The following CNTN4 variants were observed in gnomAD, a reference collection of about 807,000 sequenced individuals.
The protein encoded by CNTN4 is contactin 4.
In CNTN4, 77 loss-of-function variants were observed where a neutral mutation model predicts 122.5. That is an observed-to-expected ratio of 0.63 (90% CI 0.52 to 0.76). CNTN4 has a LOEUF of 0.76. Among genes scored for constraint, CNTN4 ranks in the 30% least tolerant of loss-of-function variants. The pLI, the probability that CNTN4 is intolerant of heterozygous loss-of-function variation, is 0.00. For synonymous variants in CNTN4, 512 were observed against 447.0 expected, an observed-to-expected ratio of 1.15 and a Z score of -1.83; for missense variants, 1,256 against 1,259.1, an observed-to-expected ratio of 1.00 and a Z score of 0.04.
intron 4 of CNTN4, among the ~76,000 whole-genome samples, chr3:2,723,012 T>A (rs1467439255): frequency 6.6e-6 from 1 of 152,210 alleles, no homozygotes. Context: ...TTCACTTGTT[T>A]CCTTCTAAAC....
intron 6 of CNTN4, among the ~76,000 whole-genome samples, chr3:2,757,999 T>G (rs2090415446): frequency 6.6e-6 from 1 of 152,190 alleles, no homozygotes; most frequent in South Asian, 2.1e-4. Context: ...TCAGATTTGT[T>G]CATTTGTTCA....
At chr3:2,469,800 G>C (rs2075622839) in intron 3 of CNTN4, among the ~76,000 whole-genome samples, 2 of 152,110 alleles carry the variant, frequency 1.3e-5, no homozygotes, top group African/African-American at 4.8e-5. Context: ...TCTGACATGT[G>C]TTATTAGAAT....
chr3:2,107,862 CA>C (rs1384378541), intron 2 of CNTN4, among the ~76,000 whole-genome samples: 68 of 152,274 alleles, frequency 4.5e-4, no homozygotes, highest in African/African-American at 1.6e-3. Flanking sequence ...CCTTGTAATA[CA>C]TCAGACTTCC....
chr3:2,130,484 C>G (rs978462110), intron 2 of CNTN4, among the ~76,000 whole-genome samples: 3 of 152,168 alleles, frequency 2.0e-5, no homozygotes, highest in African/African-American at 7.2e-5. Context: ...TAAACACCCT[C>G]TAAATTAAAA....
At chr3:2,677,908 T>C (rs1305619216) in intron 4 of CNTN4, among the ~76,000 whole-genome samples, 1 of 152,202 alleles carries the variant, frequency 6.6e-6, no homozygotes, top group Non-Finnish European at 1.5e-5. Context: ...TACGGAAATG[T>C]AAAGCATTTA....
At chr3:2,185,998 G>A (rs2037237335) in intron 2 of CNTN4, among the ~76,000 whole-genome samples, 1 of 151,876 alleles carries the variant, frequency 6.6e-6, no homozygotes, top group Non-Finnish European at 1.5e-5. Flanking sequence ...TATTACATAT[G>A]TATACATGAG....
chr3:2,472,445 G>T (rs1477623589), intron 3 of CNTN4, among the ~76,000 whole-genome samples: 1 of 152,084 alleles, frequency 6.6e-6, no homozygotes, highest in Non-Finnish European at 1.5e-5. Flanking sequence ...TGTCAAGTTG[G>T]CCAGGCTGGT....
rs5846169 is a variant in CNTN4 at position 2,198,028 on chromosome 3, G to GAA, written c.-145+97402_-145+97403dup. Among the ~76,000 whole-genome samples, 180 of 138,062 alleles carry GAA rather than the reference G, an allele frequency of 1.3e-3. 1 individual carries two copies. Among genetic ancestry groups the GAA allele is most frequent in the Admixed American group, 1.6e-3 (22 of 14,034 alleles). 90.6% of individuals were successfully genotyped at this position (138,062 alleles called of 152,430 possible). A position where few individuals can be genotyped will look rare whatever the true frequency, so the allele number is the denominator to read the frequency against. On this transcript the variant is annotated intron_variant, in intron 2 of 24. Transcript: ENST00000418658. ...ACAGAGGCAACAGACACTCTCTCTGGAAAAAAAAAAAAAAGGAGAGAATTT... is the reference window on the plus strand; with the variant it reads ...ACAGAGGCAACAGACACTCTCTCTGGAAAAAAAAAAAAAAAAGGAGAGAATTT...
At chr3:2,409,548 C>T (rs1043523506) in intron 3 of CNTN4, among the ~76,000 whole-genome samples, 2 of 151,962 alleles carry the variant, frequency 1.3e-5, no homozygotes, top group African/African-American at 2.4e-5. Flanking sequence ...TGCTCGGCCT[C>T]TAGATATCTT....
intron 4 of CNTN4, among the ~76,000 whole-genome samples, chr3:2,652,057 A>C (rs1190334899): frequency 6.6e-6 from 1 of 151,654 alleles, no homozygotes; most frequent in African/African-American, 2.4e-5. Flanking sequence ...ATGGCGGTTC[A>C]TGCATCCAGT....
At chr3:2,665,968 C>A (rs185176825) in intron 4 of CNTN4, among the ~76,000 whole-genome samples, 5 of 152,064 alleles carry the variant, frequency 3.3e-5, no homozygotes, top group Admixed American at 3.3e-4. Context: ...AGGATATTAT[C>A]GATTTAGATA....
intron 3 of CNTN4, among the ~76,000 whole-genome samples, chr3:2,365,957 G>A (rs774894786): frequency 1.8e-4 from 27 of 152,324 alleles, no homozygotes; most frequent in Non-Finnish European, 4.4e-5. Flanking sequence ...TATATTAACA[G>A]TGGAGCAATT....
chr3:2,689,493 T>C (rs2085612394), intron 4 of CNTN4, among the ~76,000 whole-genome samples: 1 of 152,108 alleles, frequency 6.6e-6, no homozygotes, highest in East Asian at 1.9e-4. Context: ...TGCCATTCTT[T>C]TTTGTGACTT....
At chr3:2,657,319 G>T (rs1309228342) in intron 4 of CNTN4, among the ~76,000 whole-genome samples, 1 of 152,168 alleles carries the variant, frequency 6.6e-6, no homozygotes, top group Non-Finnish European at 1.5e-5. Flanking sequence ...AGAGAAATCT[G>T]TAACATGAGG....
At chr3:2,430,266 C>A (rs2048014140) in intron 3 of CNTN4, among the ~76,000 whole-genome samples, 1 of 151,636 alleles carries the variant, frequency 6.6e-6, no homozygotes, top group Admixed American at 6.6e-5. Flanking sequence ...CCTAAAAATA[C>A]AAAAAATTAG....
intron 4 of CNTN4, among the ~76,000 whole-genome samples, chr3:2,705,860 T>TA (rs2086686691): frequency 1.1e-5 from 1 of 90,216 alleles, no homozygotes; most frequent in African/African-American, 4.9e-5. Context: ...AATATATGTG[T>TA]TTATATATAA....
intron 2 of CNTN4, among the ~76,000 whole-genome samples, chr3:2,186,763 C>A (rs1277849616): frequency 3.3e-5 from 5 of 152,134 alleles, no homozygotes; most frequent in Non-Finnish European, 1.5e-5. Flanking sequence ...CCTTTGCCCA[C>A]TTTTTGATGG....
intron 3 of CNTN4, among the ~76,000 whole-genome samples, chr3:2,516,499 T>G (rs191838837): frequency 0.012 from 1,863 of 152,240 alleles, 13 homozygotes; most frequent in Non-Finnish European, 0.017. Context: ...AGATGTTCAA[T>G]TCAATATTAC....
At chr3:2,370,612 A>G (rs772139064) in intron 3 of CNTN4, among the ~76,000 whole-genome samples, 14 of 152,194 alleles carry the variant, frequency 9.2e-5, no homozygotes, top group Non-Finnish European at 1.8e-4. Context: ...CACCAGAAAA[A>G]GTGGTTTGTA....
Sources: gnomAD v4.1 joint callset for allele counts (sites outside exome capture counted in the v4.1 genomes callset) on GRCh38, gnomAD v4.1.1 for gene constraint, MANE v1.5 for transcripts, NCBI Gene and HGNC (gene_info 2026-07-23, HGNC 2026-07-21) for gene names.